The following NPLOC4 variants were observed in gnomAD, a reference collection of about 807,000 sequenced individuals.
NPLOC4 encodes the protein NPL4 homolog, ubiquitin recognition factor.
A neutral mutation model predicts 80.6 loss-of-function variants in NPLOC4; 18 were observed. That is an observed-to-expected ratio of 0.22 (90% CI 0.15 to 0.33). The LOEUF (loss-of-function observed/expected upper bound fraction) is 0.33. Among genes scored for constraint, NPLOC4 ranks in the 10% least tolerant of loss-of-function variants. The probability of loss-of-function intolerance (pLI) is 1.00; values close to 1 mark genes in which losing one functional copy is unlikely to be tolerated. For synonymous variants in NPLOC4, 313 were observed against 301.5 expected, an observed-to-expected ratio of 1.04 and a Z score of -0.39; for missense variants, 540 against 786.1, an observed-to-expected ratio of 0.69 and a Z score of 3.74.
At chr17:81,624,604 A>G (rs1259195443) in intron 2 of NPLOC4, among the ~76,000 whole-genome samples, 12 of 152,130 alleles carry the variant, frequency 7.9e-5, no homozygotes, top group Non-Finnish European at 1.6e-4. Flanking sequence ...CCTCAAAAAA[A>G]GAAAAACAAA....
At chr17:81,630,165 G>T (rs1217246057) in intron 1 of NPLOC4, among the ~76,000 whole-genome samples, 1 of 138,014 alleles carries the variant, frequency 7.2e-6, no homozygotes, top group African/African-American at 2.7e-5. Context: ...CTTTAAAAAA[G>T]ATGTTACTTT....
intron 12 of NPLOC4, among the ~76,000 whole-genome samples, chr17:81,581,874 C>G (rs908230982): frequency 6.6e-6 from 1 of 152,192 alleles, no homozygotes; most frequent in Admixed American, 6.5e-5. Flanking sequence ...AAAGCAGAGG[C>G]GCAGGAATAA....
chr17:81,606,718 C>G lies in NPLOC4; in HGVS notation c.627G>C (p.Gln209His), dbSNP rs1447146340. The G allele has an allele frequency of 6.2e-7, 1 of 1,613,698 alleles. No homozygotes were observed. Among genetic ancestry groups the G allele is most frequent in the East Asian group, 2.2e-5 (1 of 44,876 alleles). Residue 209 changes from glutamine (Q) to histidine (H), a missense_variant, in exon 7 of 17, where the codon CAG becomes CAC. Gln to His is a conservative substitution (Grantham distance 24, BLOSUM62 0). Coordinates refer to ENST00000331134, the MANE Select transcript of NPLOC4 (RefSeq NM_017921.4). The stretch of plus-strand genomic sequence containing the variant: ...GTCTGTTCAGCGTGATGGCGCTCGG[C>G]TGGCACTTAGTACAGATGCCATTCG... ...PWPNGICTKCQPSAITLNRQK... is the reference protein window; with the variant it reads ...PWPNGICTKCHPSAITLNRQK...
intron 2 of NPLOC4, among the ~76,000 whole-genome samples, chr17:81,628,086 C>T (rs1399760764): frequency 6.6e-6 from 1 of 151,302 alleles, no homozygotes; most frequent in East Asian, 1.9e-4. Flanking sequence ...GTGGTGGGCG[C>T]CTGTAGTCCA....
At chr17:81,613,522 G>A in intron 3 of NPLOC4, 28 bp from the exon 4 acceptor site, 2 of 1,591,730 alleles carry the variant, frequency 1.3e-6, no homozygotes, top group Non-Finnish European at 8.5e-7. Flanking sequence ...AGAGGCTGAT[G>A]CCTTCCCTTA....
intron 11 of NPLOC4, among the ~76,000 whole-genome samples, chr17:81,595,492 G>C (rs1056788333): frequency 6.8e-6 from 1 of 146,230 alleles, no homozygotes; most frequent in Non-Finnish European, 1.5e-5. Flanking sequence ...TGTCGCCCAG[G>C]GGAACATCCT....
intron 2 of NPLOC4, among the ~76,000 whole-genome samples, chr17:81,629,134 T>G (rs2144328987): frequency 6.6e-6 from 1 of 150,456 alleles, no homozygotes; most frequent in Non-Finnish European, 1.5e-5. Context: ...CGCCTCGGCC[T>G]CCCAAAGTGC....
chr17:81,559,706 G>A (rs1000171361), intron 16 of NPLOC4, among the ~76,000 whole-genome samples: 2 of 149,186 alleles, frequency 1.3e-5, no homozygotes, highest in African/African-American at 4.9e-5. Context: ...CCCGGGGGAT[G>A]TGCATTTGGG....
chr17:81,574,430 T>C (rs1418514741), intron 12 of NPLOC4, among the ~76,000 whole-genome samples: 1 of 152,188 alleles, frequency 6.6e-6, no homozygotes, highest in Non-Finnish European at 1.5e-5. Context: ...TTCACTCAGA[T>C]GTTTTCGCCA....
chr17:81,622,511 T>C (rs1464402757), intron 2 of NPLOC4, among the ~76,000 whole-genome samples: 1 of 152,210 alleles, frequency 6.6e-6, no homozygotes. Flanking sequence ...TGATGAAACT[T>C]TGTAAAACAT....
At position 81,595,534 on chromosome 17, in the gene NPLOC4, ATT is replaced by A. The variant is rs113450373; in HGVS notation, c.1120+580_1120+581del. 5.7e-5 allele frequency among the ~76,000 whole-genome samples: 8 copies of A among 139,676 alleles called. No homozygotes were observed. The East Asian group carries it at 1.0e-3, about 18-fold the overall frequency. The allele number at this position is 139,676 out of a possible 152,430, so 91.6% of individuals were successfully genotyped here. ...TATATACATATACATATATATATAT[ATT>A]TTTTTTTTCTTTTCTTTTCTTTTTT... is the stretch of plus-strand genomic sequence containing the variant. On this transcript the variant is annotated intron_variant, in intron 11 of 16. Coordinates refer to ENST00000331134, the MANE Select transcript of NPLOC4 (RefSeq NM_017921.4).
chr17:81,586,967 A>ACC (rs1300177701), intron 12 of NPLOC4, among the ~76,000 whole-genome samples: 1 of 152,176 alleles, frequency 6.6e-6, no homozygotes, highest in Non-Finnish European at 1.5e-5. Flanking sequence ...GGAAGAAAAC[A>ACC]CCCTGCTGGA....
intron 12 of NPLOC4, among the ~76,000 whole-genome samples, chr17:81,585,294 CATCA>C (rs1568131731): frequency 6.6e-6 from 1 of 150,868 alleles, no homozygotes; most frequent in East Asian, 1.9e-4. Context: ...GACAGAGAAG[CATCA>C]AAGATTAAAA....
intron 2 of NPLOC4, among the ~76,000 whole-genome samples, 175 bp downstream of exon 2, chr17:81,629,550 G>A (rs1193241930): frequency 1.3e-5 from 2 of 152,144 alleles, no homozygotes; most frequent in African/African-American, 4.8e-5. Flanking sequence ...GTGATCAGCT[G>A]TGACAAACAT....
chr17:81,582,649 C>T (rs1167806658), intron 12 of NPLOC4, among the ~76,000 whole-genome samples: 1 of 152,224 alleles, frequency 6.6e-6, no homozygotes, highest in East Asian at 1.9e-4. Flanking sequence ...GCAATTCTCC[C>T]ACCTTGGCCT....
At chr17:81,628,967 C>T (rs149301596) in intron 2 of NPLOC4, among the ~76,000 whole-genome samples, 1,966 of 151,708 alleles carry the variant, frequency 0.013, 62 homozygotes, top group African/African-American at 0.045. Flanking sequence ...CAAGCTCCGC[C>T]TCCTGGGTTC....
At chr17:81,635,550 G>A (rs914091880) in intron 1 of NPLOC4, among the ~76,000 whole-genome samples, 4 of 152,044 alleles carry the variant, frequency 2.6e-5, no homozygotes, top group African/African-American at 4.8e-5. Context: ...TTGTGTGTGT[G>A]AGACAGTCTC....
chr17:81,633,999 G>A (rs952556367), intron 1 of NPLOC4, among the ~76,000 whole-genome samples: 1 of 151,832 alleles, frequency 6.6e-6, no homozygotes, highest in South Asian at 2.1e-4. Context: ...GAGTGGCTGG[G>A]ACTACAGGTG....
intron 2 of NPLOC4, among the ~76,000 whole-genome samples, 164 bp from the exon 3 acceptor site, chr17:81,622,442 G>A (rs1019660309): frequency 2.0e-5 from 3 of 152,186 alleles, no homozygotes; most frequent in African/African-American, 4.8e-5. Context: ...AATTTGTACT[G>A]TTCACAAAGG....
Sources: allele counts gnomAD v4.1 joint callset (sites outside exome capture counted in the v4.1 genomes callset), GRCh38; gene constraint gnomAD v4.1.1; transcripts MANE v1.5; gene names NCBI Gene and HGNC (gene_info 2026-07-23, HGNC 2026-07-21).